Variants in PPFIA2 observed in about 807,000 individuals in gnomAD.
PPFIA2 encodes liprin-alpha-2.
PPFIA2 carries 46 observed loss-of-function variants against 175.5 expected under a neutral mutation model. That is an observed-to-expected ratio of 0.26 (90% CI 0.21 to 0.34). The LOEUF (loss-of-function observed/expected upper bound fraction) is 0.34, where lower values mean the gene tolerates loss of function less well. Ranked by LOEUF, PPFIA2 falls within the 10% of genes least tolerant of loss-of-function variation. PPFIA2 has a pLI of 1.00. For missense variants in PPFIA2, 1,179 were observed against 1,506.1 expected (o/e 0.78, Z 3.60); for synonymous variants, 568 against 511.4 (o/e 1.11, Z -1.49).
intron 8 of PPFIA2, among the ~76,000 whole-genome samples, chr12:81,395,418 T>C (rs2040939440): frequency 6.6e-6 from 1 of 152,028 alleles, no homozygotes; most frequent in African/African-American, 2.4e-5. Flanking sequence ...GCAATTGCAG[T>C]AAAAATCTTG....
intron 4 of PPFIA2, among the ~76,000 whole-genome samples, chr12:81,472,076 G>T (rs183186285): frequency 2.0e-5 from 3 of 152,212 alleles, no homozygotes; most frequent in Non-Finnish European, 2.9e-5. Flanking sequence ...TGAAAAATAT[G>T]CTAAGTTAAA....
rs151109081 is a variant in PPFIA2, at chr12:81,310,139, T to C, written c.2643-10757A>G. Among the ~76,000 whole-genome samples the C allele has an allele frequency of 1.9e-3, 289 of 152,212 alleles. 1 individual carries two copies. Among genetic ancestry groups the C allele is most frequent in the African/African-American group, 6.6e-3 (273 of 41,554 alleles). On this transcript the variant is annotated intron_variant, in intron 22 of 32. Coordinates refer to ENST00000549396, the MANE Select transcript of PPFIA2 (RefSeq NM_003625.5). ...ACCCAGTTTGGAAGTGTATAGTTTG[T>C]ATGCTTCTGAAGGTACAGACAAGTA...
At chr12:81,310,878 CTAGTTAA>C (rs1406463610) in intron 22 of PPFIA2, among the ~76,000 whole-genome samples, 2 of 152,024 alleles carry the variant, frequency 1.3e-5, no homozygotes, top group Non-Finnish European at 2.9e-5. Context: ...ATAAACCTTA[CTAGTTAA>C]TAAAGTAATA....
intron 21 of PPFIA2, among the ~76,000 whole-genome samples, chr12:81,329,910 C>G (rs1197243283): frequency 6.6e-6 from 1 of 152,194 alleles, no homozygotes; most frequent in Non-Finnish European, 1.5e-5. Context: ...ATGGCACTGC[C>G]AGCCCTGAAC....
At chr12:81,467,392 C>G (rs542921698) in intron 4 of PPFIA2, among the ~76,000 whole-genome samples, 1 of 150,100 alleles carries the variant, frequency 6.7e-6, no homozygotes, top group African/African-American at 2.4e-5. Flanking sequence ...TAAAAGCTTT[C>G]TTAAACATGT....
intron 23 of PPFIA2, among the ~76,000 whole-genome samples, chr12:81,295,661 TAAAG>T (rs1445650576): frequency 6.6e-6 from 1 of 152,074 alleles, no homozygotes; most frequent in African/African-American, 2.4e-5. Flanking sequence ...ATTGAAAAAC[TAAAG>T]AAAGCAACAA....
intron 4 of PPFIA2, among the ~76,000 whole-genome samples, chr12:81,582,877 A>G (rs902987819): frequency 2.0e-5 from 3 of 151,892 alleles, no homozygotes; most frequent in Non-Finnish European, 4.4e-5. Context: ...ACATGGTACT[A>G]TAATAACATT....
At chr12:81,431,534 T>C (rs1048468762) in intron 7 of PPFIA2, 15 of 152,296 alleles carry the variant, frequency 9.8e-5, no homozygotes, top group African/African-American at 3.4e-4. Flanking sequence ...ATTATGTATA[T>C]ATTTATTTAC....
chr12:81,694,788 T>A (rs1306874199), intron 3 of PPFIA2, among the ~76,000 whole-genome samples: 1 of 152,158 alleles, frequency 6.6e-6, no homozygotes, highest in Non-Finnish European at 1.5e-5. Context: ...GCCACAGGCA[T>A]TCAACAACCT....
intron 22 of PPFIA2, among the ~76,000 whole-genome samples, chr12:81,321,415 A>G (rs185561150): frequency 1.3e-5 from 2 of 152,312 alleles, no homozygotes; most frequent in Non-Finnish European, 2.9e-5. Context: ...TTGCTTAAGC[A>G]AGAATGTTGA....
intron 3 of PPFIA2, among the ~76,000 whole-genome samples, chr12:81,736,312 T>C (rs1463297707): frequency 6.6e-6 from 1 of 152,028 alleles, no homozygotes; most frequent in Admixed American, 6.6e-5. Flanking sequence ...TAGATGCTAT[T>C]ATAGATGGAG....
At chr12:81,713,954 A>G (rs73151303) in intron 3 of PPFIA2, among the ~76,000 whole-genome samples, 25,119 of 151,000 alleles carry the variant, frequency 0.17, 2,467 homozygotes, top group Middle Eastern at 0.21. Context: ...TTTTATGCAG[A>G]ATGGTAGGGG....
chr12:81,743,186 AG>A (rs2082543063), intron 3 of PPFIA2, among the ~76,000 whole-genome samples: 1 of 152,020 alleles, frequency 6.6e-6, no homozygotes, highest in East Asian at 1.9e-4. Context: ...TGGGAGGCCA[AG>A]GTGGGTCAAT....
intron 4 of PPFIA2, among the ~76,000 whole-genome samples, chr12:81,625,081 T>C (rs1421466108): frequency 6.6e-6 from 1 of 151,874 alleles, no homozygotes; most frequent in Non-Finnish European, 1.5e-5. Flanking sequence ...ATATAAAGAC[T>C]ATATTATACA....
At chr12:81,292,338 T>C (rs2045257740) in intron 24 of PPFIA2, 1 of 152,094 alleles carries the variant, frequency 6.6e-6, no homozygotes, top group Admixed American at 6.6e-5. Flanking sequence ...ATTTTAAATA[T>C]ACAGGTGGCT....
chr12:81,549,973 G>T (rs1217444085), intron 4 of PPFIA2, among the ~76,000 whole-genome samples: 2 of 151,818 alleles, frequency 1.3e-5, no homozygotes, highest in Non-Finnish European at 2.9e-5. Flanking sequence ...AAAAAACTAA[G>T]ATTTTTAAGG....
At chr12:81,473,879 T>A (rs1439908648) in intron 4 of PPFIA2, among the ~76,000 whole-genome samples, 1 of 152,198 alleles carries the variant, frequency 6.6e-6, no homozygotes, top group Non-Finnish European at 1.5e-5. Flanking sequence ...ATAATCACCT[T>A]ATTTGACTGC....
rs986582061 is a variant in PPFIA2 at position 81,341,350 on chromosome 12, C to T, written c.2263-142G>A. The T allele has an allele frequency of 6.0e-6, 4 of 669,692 alleles. No individual in the cohort carries two copies. The Admixed American group carries it at 1.0e-4, about 17-fold the overall frequency. 41.5% of individuals were successfully genotyped at this position (669,692 alleles called of 1,614,324 possible). A position where few individuals can be genotyped will look rare whatever the true frequency, so the allele number is the denominator to read the frequency against. ...CAAAACTTGGGGCATTTAAGTCTTA[C>T]ATACATAAATTCCCATTAAAGAGTT... On this transcript the variant is annotated intron_variant, in intron 19 of 32. Transcript: ENST00000549396.
chr12:81,414,760 A>G (rs1472284040), intron 7 of PPFIA2, among the ~76,000 whole-genome samples: 1 of 151,656 alleles, frequency 6.6e-6, no homozygotes, highest in Non-Finnish European at 1.5e-5. Context: ...TGAAACACAC[A>G]CACAAACAAC....
Sources: gnomAD v4.1 joint callset for allele counts (sites outside exome capture counted in the v4.1 genomes callset) on GRCh38, gnomAD v4.1.1 for gene constraint, MANE v1.5 for transcripts, NCBI Gene and HGNC (gene_info 2026-07-23, HGNC 2026-07-21) for gene names.